The following STK40 variants were observed in gnomAD, a reference collection of about 807,000 sequenced individuals.
STK40 encodes the protein serine/threonine kinase 40.
Under a neutral mutation model 47.9 loss-of-function variants are expected in STK40, and 13 were observed. The ratio of observed to expected loss-of-function variants is 0.27; its 90% confidence interval spans 0.18 to 0.43. STK40 has a LOEUF of 0.43. STK40 is among the 20% of genes least tolerant of loss of function. The pLI is 1.00. For synonymous variants in STK40, 225 were observed against 243.2 expected, an observed-to-expected ratio of 0.93 and a Z score of 0.69; for missense variants, 460 against 595.1, an observed-to-expected ratio of 0.77 and a Z score of 2.36.
In STK40 at chr1:36,341,851, G is replaced by T; in HGVS notation, c.1212C>A (p.Phe404Leu). 2 of 1,613,786 alleles carry T rather than the reference G, an allele frequency of 1.2e-6. No homozygotes were observed. Among genetic ancestry groups the T allele is most frequent in the African/African-American group, 1.3e-5 (1 of 75,046 alleles). ...DARSWVPKRQ[F>L]GSAPPVRRLG... Reference sequence around the variant, plus strand: ...GCCGTCGCACCGGTGGTGCGCTGCCGAACTGCCGCTTGGGTACCCAGCTCC... The same window carrying T: ...GCCGTCGCACCGGTGGTGCGCTGCCTAACTGCCGCTTGGGTACCCAGCTCC... Residue 404 changes from phenylalanine to leucine, a missense_variant, in exon 11 of 11, where the codon TTC becomes TTA. Transcript: ENST00000373132.
intron 7 of STK40, 106 bp from the exon 8 acceptor site, chr1:36,344,370 C>G (rs998041630): frequency 2.1e-6 from 3 of 1,434,956 alleles, no homozygotes; most frequent in East Asian, 4.8e-5. Flanking sequence ...CACTTCCAGT[C>G]CCCCCAGAGT....
intron 1 of STK40, among the ~76,000 whole-genome samples, chr1:36,371,007 G>A (rs1646941330): frequency 6.6e-6 from 1 of 151,736 alleles, no homozygotes; most frequent in Admixed American, 6.6e-5. Context: ...CTCCTGAGTA[G>A]CTGGGATTAC....
intron 1 of STK40, among the ~76,000 whole-genome samples, chr1:36,377,227 C>T (rs1369194440): frequency 1.3e-5 from 2 of 151,818 alleles, no homozygotes; most frequent in Non-Finnish European, 2.9e-5. Flanking sequence ...TTTCTGAACC[C>T]ATTAGAATTA....
rs147980037 is a variant in STK40 at position 36,372,102 on chromosome 1, C to T, written c.-8-10762G>A. ...ATCCGCAGTTGGTTGAATCCACAGACGTAGAACCCACGGATGTGGAGGGCT... is the reference window on the plus strand; with the variant it reads ...ATCCGCAGTTGGTTGAATCCACAGATGTAGAACCCACGGATGTGGAGGGCT... On this transcript the variant is annotated intron_variant, in intron 1 of 10. Transcript: ENST00000373132. 1.5e-3 allele frequency among the ~76,000 whole-genome samples: 223 copies of T among 152,264 alleles called. 1 individual carries two copies. Among genetic ancestry groups the T allele is most frequent in the African/African-American group, 5.1e-3 (213 of 41,560 alleles).
chr1:36,350,032 C>A (rs548738486), intron 6 of STK40, among the ~76,000 whole-genome samples: 1 of 152,150 alleles, frequency 6.6e-6, no homozygotes, highest in Admixed American at 6.5e-5. Context: ...CGCATCCAGG[C>A]GGCTCTGAGA....
chr1:36,354,465 G>A (rs1251932812), intron 5 of STK40, 49 bp from the exon 6 acceptor site: 1 of 1,597,444 alleles, frequency 6.3e-7, no homozygotes, highest in Non-Finnish European at 8.6e-7. Flanking sequence ...GAGAGGTGGG[G>A]TCAGGGCCCA....
At chr1:36,344,921 A>G (rs1381030925) in intron 7 of STK40, among the ~76,000 whole-genome samples, 1 of 152,242 alleles carries the variant, frequency 6.6e-6, no homozygotes, top group East Asian at 1.9e-4. Context: ...GGGAAGAAAC[A>G]CTTTTATTTC....
Position 36,358,835 on chromosome 1 carries a change from G to A in STK40, c.113-13C>T, listed in dbSNP as rs753383780. On this transcript the variant is annotated splice_polypyrimidine_tract_variant and intron_variant, in intron 2 of 10. Transcript: ENST00000373132. ...CCCAGACGGGGACCTACGGCACAGA[G>A]AGCTGCTGGTCTACTTTTCAGAAGC... 1.2e-6 allele frequency: 2 copies of A among 1,613,968 alleles called. No homozygotes were observed. Among genetic ancestry groups the A allele is most frequent in the Non-Finnish European group, 1.7e-6 (2 of 1,180,000 alleles).
rs548537011 is a variant in STK40, at chr1:36,378,552, G to A, written c.-9+7171C>T. Among the ~76,000 whole-genome samples, 4 of 151,994 alleles carry A rather than the reference G, an allele frequency of 2.6e-5. No individual in the cohort carries two copies. In the South Asian group the frequency reaches 8.3e-4, roughly 32 times the overall value. On this transcript the variant is annotated intron_variant, in intron 1 of 10. Transcript: ENST00000373132. ...TGGCTCACTGCAACCTCCGCCTCCT[G>A]GGTTCAAGCGATTCTCCTGCCTCAG...
chr1:36,365,068 C>T (rs541901090), intron 1 of STK40, among the ~76,000 whole-genome samples: 2 of 151,424 alleles, frequency 1.3e-5, no homozygotes, highest in Admixed American at 6.6e-5. Context: ...CTTGGCTCAC[C>T]GCAACCTCCG....
At chr1:36,344,078 C>A in intron 8 of STK40, 42 bp downstream of exon 8, 1 of 1,600,038 alleles carries the variant, frequency 6.2e-7, no homozygotes, top group Non-Finnish European at 8.5e-7. Context: ...TTAAGCCCAT[C>A]AGGCTGGCTG....
At chr1:36,342,895 A>G (rs1368629885) in intron 10 of STK40, 2 of 437,724 alleles carry the variant, frequency 4.6e-6, no homozygotes, top group African/African-American at 4.0e-5. Flanking sequence ...GGGCACCCTA[A>G]GATCACCTGC....
chr1:36,368,703 G>A (rs1349991086), intron 1 of STK40, among the ~76,000 whole-genome samples: 1 of 152,148 alleles, frequency 6.6e-6, no homozygotes, highest in Admixed American at 6.6e-5. Flanking sequence ...CTAGATTAAA[G>A]GAGACTAAAG....
Position 36,340,740 on chromosome 1 carries a change from G to A in STK40, c.*1015C>T, listed in dbSNP as rs1424169334. On this transcript the variant is annotated 3_prime_UTR_variant, in exon 11 of 11. Coordinates refer to ENST00000373132, the MANE Select transcript of STK40 (RefSeq NM_001282547.2). ...GGACCCTTGCTAGGGTCTACCGGGA[G>A]AGTCACCACATCTATTATGAGGCAA... The A allele has an allele frequency of 6.6e-6, 1 of 152,494 alleles. No individual in the cohort carries two copies. Among genetic ancestry groups the A allele is most frequent in the African/African-American group, 2.4e-5 (1 of 41,448 alleles). 9.4% of individuals were successfully genotyped at this position (152,494 alleles called of 1,614,324 possible).
Position 36,341,955 on chromosome 1 carries a change from A to G in STK40, c.1108T>C (p.Cys370Arg). The change falls in exon 11 of 11, where the codon TGC becomes CGC. Residue 370 changes from cysteine (C) to arginine (R), a missense_variant. Coordinates refer to ENST00000373132, the MANE Select transcript of STK40 (RefSeq NM_001282547.2). ...TAGTTCTCAAACTCGTACTGGGAGCACTCCTCCGTCACCTTCGCCTTTGAG... is the reference window on the plus strand; with the variant it reads ...TAGTTCTCAAACTCGTACTGGGAGCGCTCCTCCGTCACCTTCGCCTTTGAG... ...SSQEAKVTEECSQYEFENYMR... is the reference protein window; with the variant it reads ...SSQEAKVTEERSQYEFENYMR... 3.1e-6 allele frequency: 5 copies of G among 1,613,292 alleles called. No homozygotes were observed. The highest frequency in any genetic ancestry group is 3.4e-6 in the Non-Finnish European group (4 of 1,179,696).
chr1:36,385,508 C>T (rs1195292112), intron 1 of STK40, among the ~76,000 whole-genome samples: 1 of 152,192 alleles, frequency 6.6e-6, no homozygotes, highest in Non-Finnish European at 1.5e-5. Flanking sequence ...CTGAAGCTCC[C>T]GCGGCCTCCC....
intron 1 of STK40, among the ~76,000 whole-genome samples, chr1:36,380,976 C>T (rs1647034979): frequency 6.6e-6 from 1 of 152,166 alleles, no homozygotes; most frequent in African/African-American, 2.4e-5. Flanking sequence ...CACTATCATT[C>T]ACTCTGTCAC....
At chr1:36,369,716 C>A (rs902591894) in intron 1 of STK40, among the ~76,000 whole-genome samples, 1 of 152,218 alleles carries the variant, frequency 6.6e-6, no homozygotes, top group South Asian at 2.1e-4. Flanking sequence ...GTGCTGCAAC[C>A]ATTGGTTTAT....
intron 1 of STK40, among the ~76,000 whole-genome samples, chr1:36,381,549 C>T (rs1647039536): frequency 1.3e-5 from 2 of 152,122 alleles, no homozygotes; most frequent in African/African-American, 4.8e-5. Context: ...GGTGTGATTA[C>T]AGCTTACTGG....
Sources: gnomAD v4.1 joint callset for allele counts (sites outside exome capture counted in the v4.1 genomes callset) on GRCh38, gnomAD v4.1.1 for gene constraint, MANE v1.5 for transcripts, NCBI Gene and HGNC (gene_info 2026-07-23, HGNC 2026-07-21) for gene names.